SGCD: variants seen among roughly 807,000 people sequenced by gnomAD.
SGCD encodes the protein sarcoglycan delta, also known as delta-sarcoglycan.
Under a neutral mutation model 36.6 loss-of-function variants are expected in SGCD, and 18 were observed. That is an observed-to-expected ratio of 0.49 (90% CI 0.34 to 0.73). SGCD has a LOEUF of 0.73. SGCD is among the 30% of genes least tolerant of loss of function. SGCD has a pLI of 0.01. For synonymous variants in SGCD, 133 were observed against 130.6 expected, an observed-to-expected ratio of 1.02 and a Z score of -0.12; for missense variants, 387 against 346.7, an observed-to-expected ratio of 1.12 and a Z score of -0.92.
chr5:156,656,458 A>T (rs1224729560), intron 7 of SGCD, among the ~76,000 whole-genome samples: 1 of 152,134 alleles, frequency 6.6e-6, no homozygotes, highest in Non-Finnish European at 1.5e-5. Context: ...GAGAAAAGGT[A>T]AAAACCAACA....
chr5:156,263,634 G>T (rs1336620603), intron 3 of SGCD, among the ~76,000 whole-genome samples: 1 of 152,062 alleles, frequency 6.6e-6, no homozygotes, highest in African/African-American at 2.4e-5. Flanking sequence ...TGTTGCATTT[G>T]CTTTTGGATT....
At chr5:156,508,347 G>A (rs907819252) in intron 3 of SGCD, among the ~76,000 whole-genome samples, 1 of 152,010 alleles carries the variant, frequency 6.6e-6, no homozygotes, top group African/African-American at 2.4e-5. Context: ...ACCCCAATCT[G>A]TGTGTGTGGA....
intron 6 of SGCD, among the ~76,000 whole-genome samples, chr5:156,644,542 C>CTT (rs796976294): frequency 6.9e-6 from 1 of 143,928 alleles, no homozygotes; most frequent in African/African-American, 2.5e-5. Flanking sequence ...AAGTCTGTTC[C>CTT]TTTTTTTTTT....
intron 4 of SGCD, among the ~76,000 whole-genome samples, chr5:156,524,269 A>T (rs970868372): frequency 8.3e-6 from 1 of 120,644 alleles, no homozygotes; most frequent in Non-Finnish European, 1.7e-5. Context: ...TATAGTTTAT[A>T]TATAGTAATA....
At chr5:156,523,618 G>A (rs1757502408) in intron 4 of SGCD, among the ~76,000 whole-genome samples, 1 of 151,968 alleles carries the variant, frequency 6.6e-6, no homozygotes, top group Non-Finnish European at 1.5e-5. Flanking sequence ...AACAATCTGA[G>A]AATCTCACAT....
At chr5:156,298,576 CTTT>C (rs924228753) in intron 3 of SGCD, among the ~76,000 whole-genome samples, 2 of 110,520 alleles carry the variant, frequency 1.8e-5, no homozygotes, top group Non-Finnish European at 3.6e-5. Flanking sequence ...TTTTTCTTTT[CTTT>C]TTTTTTTTTT....
intron 1 of SGCD, among the ~76,000 whole-genome samples, chr5:155,931,810 G>T (rs1437634194): frequency 2.6e-5 from 4 of 152,174 alleles, no homozygotes; most frequent in Non-Finnish European, 5.9e-5. Flanking sequence ...CATTTGGGCT[G>T]CTGTAACAAA....
In SGCD at chr5:156,595,011, T is replaced by C. The variant is rs1760871752; in HGVS notation, c.462T>C (p.Asn154=). The change falls in exon 6 of 9, where the codon AAT becomes AAC. Residue 154 remains asparagine (N), a synonymous_variant. Transcript: ENST00000337851. ...GAAAATTGCTCTTCTCTGCAGACAA[T>C]AATGAAGTGGTAGTAGGAGCTGAAA... The part of the protein sequence containing the change: ...VSGKLLFSAD[N]NEVVVGAERL... 1.9e-6 allele frequency: 3 copies of C among 1,612,086 alleles called. No homozygotes were observed. In the South Asian group the frequency reaches 3.3e-5, roughly 18 times the overall value.
At chr5:156,712,159 A>T (rs374274363) in intron 7 of SGCD, among the ~76,000 whole-genome samples, 1 of 152,142 alleles carries the variant, frequency 6.6e-6, no homozygotes, top group African/African-American at 2.4e-5. Flanking sequence ...CTGACCTCCC[A>T]TCTCATCCTG....
chr5:156,537,591 C>A (rs1758174229), intron 4 of SGCD, among the ~76,000 whole-genome samples: 1 of 151,754 alleles, frequency 6.6e-6, no homozygotes, highest in African/African-American at 2.4e-5. Context: ...TTCTTTGATA[C>A]TTCCTCTATC....
intron 3 of SGCD, among the ~76,000 whole-genome samples, chr5:156,236,533 TCTGCCTCCCGGGTTCATGCCATTCTC>T (rs561001722): frequency 9.9e-5 from 15 of 151,520 alleles, no homozygotes; most frequent in Admixed American, 9.9e-4. Flanking sequence ...CACTGCAAGC[TCTGCCTCCCGGGTTCATGCCATTCTC>T]CTGCCTCAGC....
At chr5:156,217,904 C>G (rs775249885) in intron 3 of SGCD, among the ~76,000 whole-genome samples, 1 of 151,676 alleles carries the variant, frequency 6.6e-6, no homozygotes, top group Admixed American at 6.6e-5. Context: ...AAAATCATGG[C>G]CAGAATCTTG....
chr5:156,730,743 A>G (rs922087923), intron 7 of SGCD, among the ~76,000 whole-genome samples: 9 of 152,072 alleles, frequency 5.9e-5, no homozygotes, highest in African/African-American at 1.9e-4. Flanking sequence ...TATACCCTGT[A>G]ATGGGATTCC....
At chr5:155,728,572 C>A in the SGCD span, among the ~76,000 whole-genome samples, 4 of 152,232 alleles carry the variant, frequency 2.6e-5, no homozygotes, top group Non-Finnish European at 4.4e-5. Flanking sequence ...GGGCTCTAAG[C>A]AGCGCGATGC....
At chr5:156,214,863 A>G (rs1764534440) in intron 3 of SGCD, among the ~76,000 whole-genome samples, 1 of 152,116 alleles carries the variant, frequency 6.6e-6, no homozygotes, top group South Asian at 2.1e-4. Context: ...AGTATCTTCA[A>G]TAAATTCTGT....
chr5:155,911,193 C>A (rs1727972033), intron 1 of SGCD, among the ~76,000 whole-genome samples: 1 of 151,882 alleles, frequency 6.6e-6, no homozygotes, highest in African/African-American at 2.4e-5. Flanking sequence ...TCAAATATAG[C>A]TTATTACATG....
chr5:155,827,518 G>A, the SGCD span, among the ~76,000 whole-genome samples: 30 of 152,112 alleles, frequency 2.0e-4, no homozygotes, highest in East Asian at 5.6e-3. Context: ...AGAAAAGCAC[G>A]CTTTTCTGTT....
chr5:155,840,827 C>A, the SGCD span, among the ~76,000 whole-genome samples: 1 of 151,472 alleles, frequency 6.6e-6, no homozygotes, highest in Non-Finnish European at 1.5e-5. Context: ...GCCTGATCAA[C>A]ATGGAGAAAC....
the SGCD span, among the ~76,000 whole-genome samples, chr5:155,740,654 A>AT: frequency 6.6e-6 from 1 of 152,078 alleles, no homozygotes; most frequent in East Asian, 1.9e-4. Context: ...TTGAGCAGCT[A>AT]TACTCTTTGT....
Sources: allele counts gnomAD v4.1 joint callset (sites outside exome capture counted in the v4.1 genomes callset), GRCh38; gene constraint gnomAD v4.1.1; transcripts MANE v1.5; gene names NCBI Gene and HGNC (gene_info 2026-07-23, HGNC 2026-07-21).